LARP1B: variants seen among roughly 807,000 people sequenced by gnomAD.
The protein encoded by LARP1B is la-related protein 1B.
In LARP1B, 76 loss-of-function variants were observed where a neutral mutation model predicts 114.2. The observed-to-expected ratio is 0.67, with a 90% CI of 0.55 to 0.81. The LOEUF is 0.81. LARP1B is among the 30% of genes least tolerant of loss of function. LARP1B has a pLI of 0.00. For missense variants in LARP1B, 1,014 were observed against 1,075.8 expected, an observed-to-expected ratio of 0.94 and a Z score of 0.80; for synonymous variants, 345 against 348.0, an observed-to-expected ratio of 0.99 and a Z score of 0.10.
intron 9 of LARP1B, among the ~76,000 whole-genome samples, chr4:128,113,717 A>G (rs1202235024): frequency 6.6e-6 from 1 of 151,968 alleles, no homozygotes; most frequent in East Asian, 1.9e-4. Flanking sequence ...TTAAGTTCCA[A>G]CAATTTTTAA....
At chr4:128,146,136 G>A (rs1730242384) in intron 11 of LARP1B, among the ~76,000 whole-genome samples, 1 of 152,200 alleles carries the variant, frequency 6.6e-6, no homozygotes, top group East Asian at 1.9e-4. Flanking sequence ...TTCTAGTTAT[G>A]TCTATATGTG....
chr4:128,066,165 C>CTTTTTTTTTTTTTTTTTTTTTTTGTT (rs59927866), intron 1 of LARP1B, among the ~76,000 whole-genome samples: 1 of 99,190 alleles, frequency 1.0e-5, no homozygotes, highest in Non-Finnish European at 1.9e-5. Context: ...TTTCTTTCTT[C>CTTTTTTTTTTTTTTTTTTTTTTTGTT]TTTTTTTTTT....
chr4:128,188,318 G>A (rs180826615), intron 15 of LARP1B, among the ~76,000 whole-genome samples: 6 of 152,058 alleles, frequency 3.9e-5, no homozygotes, highest in South Asian at 2.1e-4. Context: ...CAGGTCATCC[G>A]CCCGCCTTGG....
At chr4:128,064,851 T>C (rs958986917) in intron 1 of LARP1B, among the ~76,000 whole-genome samples, 2 of 152,272 alleles carry the variant, frequency 1.3e-5, no homozygotes, top group Non-Finnish European at 1.5e-5. Flanking sequence ...TGTCCTGTCA[T>C]AGTGCCTGTG....
chr4:128,199,607 G>T lies in LARP1B; in HGVS notation c.2164+8G>T, dbSNP rs1755286352. ...GTCGAAGATGCCTAAGTGGTAAGAT[G>T]CTTGTCCTTTATCTATCTAATATAT... On this transcript the variant is annotated splice_region_variant and intron_variant, in intron 16 of 19. Coordinates refer to ENST00000326639, the MANE Select transcript of LARP1B (RefSeq NM_018078.4). The T allele has an allele frequency of 6.8e-7, 1 of 1,473,534 alleles. No individual in the cohort carries two copies. Among genetic ancestry groups the T allele is most frequent in the African/African-American group, 1.4e-5 (1 of 71,016 alleles). 91.3% of individuals were successfully genotyped at this position (1,473,534 alleles called of 1,614,324 possible).
At chr4:128,131,999 A>G (rs1791712591) in intron 11 of LARP1B, among the ~76,000 whole-genome samples, 1 of 152,226 alleles carries the variant, frequency 6.6e-6, no homozygotes, top group Non-Finnish European at 1.5e-5. Flanking sequence ...ACAGTCTGGC[A>G]GTTTTCAAAA....
chr4:128,213,516 C>A (rs889222739), downstream of LARP1B, among the ~76,000 whole-genome samples: 1 of 152,020 alleles, frequency 6.6e-6, no homozygotes, highest in African/African-American at 2.4e-5. Context: ...TTTTAAAAAA[C>A]TATACCCCTT....
Position 128,118,082 on chromosome 4 carries a change from A to ATTTT in LARP1B, c.1161+3361_1161+3364dup, listed in dbSNP as rs34699544. Among the ~76,000 whole-genome samples the ATTTT allele has an allele frequency of 5.1e-3, 389 of 76,738 alleles. 1 individual carries two copies. Among genetic ancestry groups the ATTTT allele is most frequent in the African/African-American group, 9.0e-3 (161 of 17,980 alleles). 50.3% of individuals were successfully genotyped at this position (76,738 alleles called of 152,430 possible). A position where few individuals can be genotyped will look rare whatever the true frequency, so the allele number is the denominator to read the frequency against. On this transcript the variant is annotated intron_variant, in intron 10 of 19. Coordinates refer to ENST00000326639, the MANE Select transcript of LARP1B (RefSeq NM_018078.4). ...AGGCACAAACCAACAGGCCCGGCTA[A>ATTTT]TTTTTTTTTTTTTTTTTTTTTTTTG...
intron 11 of LARP1B, among the ~76,000 whole-genome samples, chr4:128,153,726 G>C (rs1302075170): frequency 6.6e-6 from 1 of 152,126 alleles, no homozygotes; most frequent in Non-Finnish European, 1.5e-5. Flanking sequence ...TTTATTAACT[G>C]TATGCTAATG....
At chr4:128,063,903 TAGC>T (rs918627844) in intron 1 of LARP1B, among the ~76,000 whole-genome samples, 7 of 151,664 alleles carry the variant, frequency 4.6e-5, no homozygotes, top group African/African-American at 1.7e-4. Context: ...AATTAAAGGT[TAGC>T]AGCAGAACAA....
chr4:128,083,549 A>G (rs1465138853), intron 5 of LARP1B, among the ~76,000 whole-genome samples: 2 of 143,348 alleles, frequency 1.4e-5, no homozygotes, highest in Non-Finnish European at 3.0e-5. Flanking sequence ...CACCTCCCGG[A>G]CGGGGCGGCT....
chr4:128,180,943 T>G (rs552205996), intron 15 of LARP1B, among the ~76,000 whole-genome samples: 5 of 152,352 alleles, frequency 3.3e-5, no homozygotes, highest in Admixed American at 6.5e-5. Flanking sequence ...TATATAATTA[T>G]GCCAACTTTC....
Position 128,114,758 on chromosome 4 carries a change from C to T in LARP1B, c.1161+16C>T, listed in dbSNP as rs774934985. The T allele has an allele frequency of 5.6e-6, 9 of 1,611,980 alleles. No individual in the cohort carries two copies. The East Asian group carries it at 6.7e-5, about 12-fold the overall frequency. On this transcript the variant is annotated intron_variant, in intron 10 of 19. Transcript: ENST00000326639. Reference sequence around the variant, plus strand: ...GAAATTGAGGGTAAGTTGTTACAGACTGAGTGAAGTGTGACATACCCTGGG... The same window carrying T: ...GAAATTGAGGGTAAGTTGTTACAGATTGAGTGAAGTGTGACATACCCTGGG...
rs892736542 is a variant in LARP1B at position 128,107,296 on chromosome 4, C to A, written c.971C>A (p.Ala324Asp). Residue 324 changes from alanine to aspartate, a missense_variant, in exon 9 of 20, where the codon GCC becomes GAC. Physicochemically the swap from Ala to Asp is moderately radical, Grantham distance 126 (BLOSUM62 -2). Transcript: ENST00000326639. ...IDCPEFVPGQ[A>D]FCSHTESAPN... is the part of the protein sequence containing the mutation. The stretch of plus-strand genomic sequence containing the variant: ...TGTCCAGAGTTTGTACCAGGCCAAG[C>A]CTTTTGCTCACATACAGGTAACATC... 16 of 1,613,970 alleles carry A rather than the reference C, an allele frequency of 9.9e-6. No homozygotes were observed. The highest frequency in any genetic ancestry group is 8.3e-5 in the Admixed American group (5 of 60,000).
At chr4:128,106,941 G>A (rs1251347036) in intron 8 of LARP1B, among the ~76,000 whole-genome samples, 198 bp from the exon 9 acceptor site, 1 of 152,076 alleles carries the variant, frequency 6.6e-6, no homozygotes, top group African/African-American at 2.4e-5. Flanking sequence ...TAAATAAGTG[G>A]GAGATCAGGA....
intron 17 of LARP1B, 60 bp from the exon 18 acceptor site, chr4:128,206,368 G>T (rs1384620521): frequency 2.2e-6 from 2 of 913,434 alleles, no homozygotes; most frequent in African/African-American, 3.5e-5. Context: ...TGCTTATATT[G>T]ATGTTACTAA....
chr4:128,196,264 A>AAG (rs1754053357), intron 15 of LARP1B, among the ~76,000 whole-genome samples: 1 of 148,804 alleles, frequency 6.7e-6, no homozygotes, highest in Non-Finnish European at 1.5e-5. Context: ...AAAAAAAAAA[A>AAG]AAAGAAAGAA....
In LARP1B at chr4:128,107,958, T is replaced by C. The variant is rs1172804486; in HGVS notation, c.988+645T>C. 2.6e-6 allele frequency: 4 copies of C among 1,533,500 alleles called. No individual in the cohort carries two copies. The Admixed American group carries it at 7.9e-5, about 30-fold the overall frequency. The allele number at this position is 1,533,500 out of a possible 1,614,324, so 95.0% of individuals were successfully genotyped here. On this transcript the variant is annotated intron_variant, in intron 9 of 19. Coordinates refer to ENST00000326639, the MANE Select transcript of LARP1B (RefSeq NM_018078.4). ...CAGTGGAATAGGTGACTCACTGAAATGCCTTTATAAATACTGGAACAAATC... is the reference window on the plus strand; with the variant it reads ...CAGTGGAATAGGTGACTCACTGAAACGCCTTTATAAATACTGGAACAAATC...
intron 1 of LARP1B, 178 bp downstream of exon 1, chr4:128,061,579 G>A (rs868825698): frequency 2.9e-6 from 2 of 697,602 alleles, no homozygotes; most frequent in South Asian, 6.4e-5. Context: ...CGGCCGCCGG[G>A]CTCTCGGGTT....
Sources: gnomAD v4.1 joint callset for allele counts (sites outside exome capture counted in the v4.1 genomes callset) on GRCh38, gnomAD v4.1.1 for gene constraint, MANE v1.5 for transcripts, NCBI Gene and HGNC (gene_info 2026-07-23, HGNC 2026-07-21) for gene names.